The following CACNG4 variants were observed in gnomAD, a reference collection of about 807,000 sequenced individuals.
CACNG4 encodes the protein calcium voltage-gated channel auxiliary subunit gamma 4, also known as voltage-dependent calcium channel gamma-4 subunit.
A neutral mutation model predicts 22.9 loss-of-function variants in CACNG4; 8 were observed. That is an observed-to-expected ratio of 0.35 (90% confidence interval 0.21 to 0.63). The LOEUF (loss-of-function observed/expected upper bound fraction) is 0.63. Among genes scored for constraint, CACNG4 ranks in the 30% least tolerant of loss-of-function variants. The probability of loss-of-function intolerance (pLI) is 0.72; values close to 1 mark genes in which losing one functional copy is unlikely to be tolerated. For missense variants in CACNG4, 357 were observed against 455.4 expected (o/e 0.78, Z 1.97); for synonymous variants, 188 against 191.9 (o/e 0.98, Z 0.17).
chr17:67,011,943 C>T (rs1179553468), intron 1 of CACNG4, among the ~76,000 whole-genome samples: 1 of 152,190 alleles, frequency 6.6e-6, no homozygotes, highest in Non-Finnish European at 1.5e-5. Context: ...CTCCCAATAC[C>T]CCGCTCTTCA....
chr17:67,021,108 G>T (rs2035528826), intron 2 of CACNG4, among the ~76,000 whole-genome samples: 1 of 152,170 alleles, frequency 6.6e-6, no homozygotes, highest in Non-Finnish European at 1.5e-5. Context: ...GGCTAAGGTG[G>T]GCGGATCATT....
In CACNG4 at chr17:66,984,954, T is replaced by C. The variant is rs2035296705; in HGVS notation, c.220+19823T>C. On this transcript the variant is annotated intron_variant, in intron 1 of 3. Coordinates refer to ENST00000262138, the MANE Select transcript of CACNG4 (RefSeq NM_014405.4). This position sits in a 1 kb window ranked among gnomAD's most constrained non-coding sequence, Gnocchi z 4.0. ...CCTCATCCTTGGGGAAATGCCCCACTGAGCTGAGCACACCAGCTCAACGAG... is the reference window on the plus strand; with the variant it reads ...CCTCATCCTTGGGGAAATGCCCCACCGAGCTGAGCACACCAGCTCAACGAG... Among the ~76,000 whole-genome samples, 1 of 152,162 alleles carries C rather than the reference T, an allele frequency of 6.6e-6. No individual in the cohort carries two copies. The highest frequency in any genetic ancestry group is 2.4e-5 in the African/African-American group (1 of 41,454).
At position 67,013,433 on chromosome 17, in the gene CACNG4, A is replaced by C. The variant is rs117218140; in HGVS notation, c.221-4756A>C. Among the ~76,000 whole-genome samples, 579 of 152,256 alleles carry C rather than the reference A, an allele frequency of 3.8e-3. 13 individuals carry two copies. The East Asian group carries it at 0.059, about 16-fold the overall frequency. On this transcript the variant is annotated intron_variant, in intron 1 of 3. Coordinates refer to ENST00000262138, the MANE Select transcript of CACNG4 (RefSeq NM_014405.4). ...AGAAGAAAAATGTAACTTGCTCATT[A>C]CTCTATCGCTCAGAAATAAAACACT...
intron 1 of CACNG4, among the ~76,000 whole-genome samples, chr17:66,993,409 A>G (rs2035354220): frequency 6.6e-6 from 1 of 152,076 alleles, no homozygotes; most frequent in Non-Finnish European, 1.5e-5. Context: ...CCACACCCCA[A>G]AGAAGAGCTT....
chr17:67,003,185 G>A lies in CACNG4; in HGVS notation c.221-15004G>A, dbSNP rs370863350. On this transcript the variant is annotated intron_variant, in intron 1 of 3. Transcript: ENST00000262138. ...ACAGGCACAGTGACATTTAAAAAAT[G>A]CATACAATTGTTTAATCCCCCAAAT... Among the ~76,000 whole-genome samples, 95 of 152,084 alleles carry A rather than the reference G, an allele frequency of 6.2e-4. 4 individuals carry two copies. The South Asian group carries it at 0.02, about 31-fold the overall frequency.
chr17:66,970,544 C>G (rs187203793), intron 1 of CACNG4, among the ~76,000 whole-genome samples: 1 of 152,310 alleles, frequency 6.6e-6, no homozygotes, highest in Non-Finnish European at 1.5e-5. Flanking sequence ...GCCCCTCACA[C>G]CAGGGCAGGG....
In CACNG4 at chr17:66,981,591, G is replaced by A. The variant is rs2035273273; in HGVS notation, c.220+16460G>A. Among the ~76,000 whole-genome samples the A allele has an allele frequency of 4.6e-5, 7 of 152,192 alleles. No homozygotes were observed. In the South Asian group the frequency reaches 1.5e-3, roughly 32 times the overall value. ...GGGTGCTGGGGCCGAGAGAACCACAGGAGACCCACTCTGTTTGTCACCAGT... is the reference window on the plus strand; with the variant it reads ...GGGTGCTGGGGCCGAGAGAACCACAAGAGACCCACTCTGTTTGTCACCAGT... On this transcript the variant is annotated intron_variant, in intron 1 of 3. Coordinates refer to ENST00000262138, the MANE Select transcript of CACNG4 (RefSeq NM_014405.4).
chr17:66,974,318 C>T (rs1171780649), intron 1 of CACNG4, among the ~76,000 whole-genome samples: 1 of 152,186 alleles, frequency 6.6e-6, no homozygotes, highest in African/African-American at 2.4e-5. Context: ...ATAATAGAAG[C>T]CCAGCTCTTC....
At chr17:67,009,179 G>A (rs148969632) in intron 1 of CACNG4, among the ~76,000 whole-genome samples, 244 of 152,260 alleles carry the variant, frequency 1.6e-3, no homozygotes, top group Middle Eastern at 0.01. Context: ...GCCCTCAGGA[G>A]GAACCAACCC....
At chr17:66,997,695 T>A (rs1444568328) in intron 1 of CACNG4, among the ~76,000 whole-genome samples, 1 of 152,132 alleles carries the variant, frequency 6.6e-6, no homozygotes. Context: ...CACACGGCTG[T>A]AATCCCAGCT....
intron 3 of CACNG4, among the ~76,000 whole-genome samples, chr17:67,028,905 T>C (rs1049525508): frequency 2.6e-5 from 4 of 152,212 alleles, no homozygotes; most frequent in African/African-American, 9.6e-5. Context: ...AGTCTGATAA[T>C]ATTCATGATA....
rs2035614836 is a variant in CACNG4, at chr17:67,032,583, AT to A, written c.*1580del. 6.4e-6 allele frequency: 1 copy of A among 155,286 alleles called. No individual in the cohort carries two copies. The highest frequency in any genetic ancestry group is 6.2e-5 in the Admixed American group (1 of 16,068). 9.6% of individuals were successfully genotyped at this position (155,286 alleles called of 1,614,324 possible). On this transcript the variant is annotated 3_prime_UTR_variant, in exon 4 of 4. Transcript: ENST00000262138. Reference sequence around the variant, plus strand: ...CGGCCTAGTGATGATGTCATCGTCCATCCCATCTTCCTTTGCCCCCAGGAAA... The same window carrying A: ...CGGCCTAGTGATGATGTCATCGTCCACCCATCTTCCTTTGCCCCCAGGAAA...
In CACNG4 at chr17:67,020,296, C is replaced by T. The variant is rs189256122; in HGVS notation, c.304+2024C>T. The T allele has an allele frequency of 6.6e-5, 10 of 152,506 alleles. No homozygotes were observed. In the East Asian group the frequency reaches 1.7e-3, roughly 26 times the overall value. The allele number at this position is 152,506 out of a possible 1,614,324, so 9.4% of individuals were successfully genotyped here. On this transcript the variant is annotated intron_variant, in intron 2 of 3. Transcript: ENST00000262138. ...TCTGGAAGAGCAAGAAAAACAAAAA[C>T]GAGTGAGCTGTTCCAGCTCCTCTGG...
At chr17:66,983,179 C>T in intron 1 of CACNG4, among the ~76,000 whole-genome samples, 1 of 152,166 alleles carries the variant, frequency 6.6e-6, no homozygotes, top group East Asian at 1.9e-4. Flanking sequence ...AGTTCACTTC[C>T]TCCTCACAAT....
chr17:66,975,009 C>G (rs978383955), intron 1 of CACNG4, among the ~76,000 whole-genome samples: 33 of 147,926 alleles, frequency 2.2e-4, no homozygotes, highest in African/African-American at 6.4e-4. Context: ...CCAGAGCAAG[C>G]TCTCCACGTC....
chr17:67,014,908 G>A (rs2035487857), intron 1 of CACNG4, among the ~76,000 whole-genome samples: 1 of 149,160 alleles, frequency 6.7e-6, no homozygotes, highest in African/African-American at 2.5e-5. Flanking sequence ...CTGCACTCCA[G>A]CCTGGGCGAC....
chr17:66,972,472 TG>T (rs2035210542), intron 1 of CACNG4, among the ~76,000 whole-genome samples: 2 of 152,154 alleles, frequency 1.3e-5, no homozygotes, highest in Admixed American at 6.5e-5. Flanking sequence ...CAACCAAAAA[TG>T]GGCTCAGACT....
chr17:67,008,169 T>G (rs1416283775), intron 1 of CACNG4, among the ~76,000 whole-genome samples: 4 of 152,176 alleles, frequency 2.6e-5, no homozygotes, highest in African/African-American at 9.7e-5. Flanking sequence ...AAGGTCACAG[T>G]GGCTTACGAG....
At chr17:67,011,918 C>T (rs1598118759) in intron 1 of CACNG4, among the ~76,000 whole-genome samples, 1 of 152,172 alleles carries the variant, frequency 6.6e-6, no homozygotes, top group South Asian at 2.1e-4. Context: ...TGCCTTCTTT[C>T]CCAGGGCCTG....
Sources: allele counts gnomAD v4.1 joint callset (sites outside exome capture counted in the v4.1 genomes callset), GRCh38; gene constraint gnomAD v4.1.1; non-coding constraint Gnocchi (gnomAD v3.1); transcripts MANE v1.5; gene names NCBI Gene and HGNC (gene_info 2026-07-23, HGNC 2026-07-21).